Variants in ZNF85 observed in about 807,000 individuals in gnomAD.
The protein encoded by ZNF85 is zinc finger protein 85, also known as zinc finger protein 85 (HPF4, HTF1).
Under a neutral mutation model 53.9 loss-of-function variants are expected in ZNF85, and 50 were observed. The ratio of observed to expected loss-of-function variants is 0.93; its 90% CI spans 0.74 to 1.17. ZNF85 has a LOEUF of 1.17. Among genes scored for constraint, ZNF85 ranks in the 50% most tolerant of loss-of-function variants. ZNF85 has a pLI of 0.00. For synonymous variants in ZNF85, 225 were observed against 226.1 expected, an observed-to-expected ratio of 1.00 and a Z score of 0.04; for missense variants, 747 against 688.5, an observed-to-expected ratio of 1.08 and a Z score of -0.95.
At chr19:20,924,083 C>G (rs1387726566) in intron 1 of ZNF85, among the ~76,000 whole-genome samples, 1 of 127,730 alleles carries the variant, frequency 7.8e-6, no homozygotes, top group East Asian at 2.1e-4. Flanking sequence ...GAAACTCCGT[C>G]TCAAAAAAAA....
intron 3 of ZNF85, among the ~76,000 whole-genome samples, chr19:20,939,644 TAA>T (rs374847830): frequency 6.5e-4 from 99 of 152,284 alleles, no homozygotes; most frequent in African/African-American, 2.3e-3. Context: ...ATGTACACGT[TAA>T]GTCAATGTGA....
intron 1 of ZNF85, among the ~76,000 whole-genome samples, chr19:20,925,633 C>A (rs943268556): frequency 3.3e-5 from 5 of 152,016 alleles, no homozygotes; most frequent in Middle Eastern, 3.2e-3. Context: ...CAAGAACTTG[C>A]AAAGTAAAAT....
chr19:20,929,009 T>G (rs752733244), intron 1 of ZNF85, among the ~76,000 whole-genome samples: 1 of 152,160 alleles, frequency 6.6e-6, no homozygotes, highest in African/African-American at 2.4e-5. Flanking sequence ...CCAATATTTA[T>G]TCAAATTCTC....
chr19:20,934,131 C>T lies in ZNF85; in HGVS notation c.111C>T (p.Tyr37=), dbSNP rs1453415667. The T allele has an allele frequency of 6.2e-7, 1 of 1,612,272 alleles. No individual in the cohort carries two copies. The highest frequency in any genetic ancestry group is 1.1e-5 in the South Asian group (1 of 91,010). Reference sequence around the variant, plus strand: ...ATAGAAATGTGATGTTAGAGAACTACAGAAACCTGGTCTTCCTGGGTGAGG... The same window carrying T: ...ATAGAAATGTGATGTTAGAGAACTATAGAAACCTGGTCTTCCTGGGTGAGG... ...NLYRNVMLEN[Y]RNLVFLGITV... is the part of the protein sequence containing the mutation. Residue 37 remains tyrosine, a synonymous_variant, in exon 2 of 4, where the codon TAC becomes TAT. Transcript: ENST00000328178.
intron 3 of ZNF85, among the ~76,000 whole-genome samples, chr19:20,948,240 G>A (rs7257679): frequency 0.43 from 65,442 of 151,892 alleles, 14,687 homozygotes; most frequent in East Asian, 0.56. Flanking sequence ...TAATATTGCA[G>A]TCTCTTTGCT....
chr19:20,930,120 C>CAAAA (rs57832039), intron 1 of ZNF85, among the ~76,000 whole-genome samples: 5,944 of 79,026 alleles, frequency 0.075, 243 homozygotes, highest in Non-Finnish European at 0.1. Flanking sequence ...GACTCCGTCC[C>CAAAA]AAAAAAAAAA....
At position 20,949,749 on chromosome 19, in the gene ZNF85, C is replaced by T; in HGVS notation, c.1235C>T (p.Thr412Ile). The change falls in exon 4 of 4, where the codon ACC becomes ATC. Residue 412 changes from threonine (T) to isoleucine (I), a missense_variant. Coordinates refer to ENST00000328178, the MANE Select transcript of ZNF85 (RefSeq NM_003429.5). ...ECGKAFKHSS[T>I]LTKHKIIHTG... ...GGTAAAGCTTTTAAACACTCTTCAA[C>T]CCTTACTAAACATAAGATAATTCAT... The T allele has an allele frequency of 1.9e-6, 3 of 1,610,340 alleles. No individual in the cohort carries two copies. Among genetic ancestry groups the T allele is most frequent in the Non-Finnish European group, 2.5e-6 (3 of 1,178,544 alleles).
At chr19:20,946,375 A>C (rs976967560) in intron 3 of ZNF85, 13 of 414,070 alleles carry the variant, frequency 3.1e-5, no homozygotes, top group Non-Finnish European at 6.2e-5. Context: ...AGTGTTCTCT[A>C]TGCCTCTGTT....
Position 20,950,019 on chromosome 19 carries a change from T to C in ZNF85, c.1505T>C (p.Ile502Thr), listed in dbSNP as rs1295371570. The change falls in exon 4 of 4, where the codon ATA (isoleucine) becomes ACA (threonine). Residue 502 changes from isoleucine (I) to threonine (T), a missense_variant. Transcript: ENST00000328178. ...CCCTCAACCCTTACTATCCATAAGA[T>C]AATTCATACTGGAGAGAAACCATAC... ...KWPSTLTIHK[I>T]IHTGEKPYKC... The C allele has an allele frequency of 5.6e-6, 9 of 1,612,198 alleles. No homozygotes were observed. In the East Asian group the frequency reaches 2.0e-4, roughly 36 times the overall value.
intron 3 of ZNF85, chr19:20,943,546 ACC>A (rs1568553429): frequency 6.6e-6 from 1 of 150,506 alleles, no homozygotes; most frequent in Non-Finnish European, 1.5e-5. Context: ...CCAACGATGA[ACC>A]AAACAAGCCT....
At chr19:20,946,501 CTA>C (rs1388162517) in intron 3 of ZNF85, 3 of 235,382 alleles carry the variant, frequency 1.3e-5, no homozygotes, top group Admixed American at 5.8e-5. Context: ...ATATTGCACT[CTA>C]TGTGTTTCAT....
chr19:20,930,521 T>C (rs1250933461), intron 1 of ZNF85, among the ~76,000 whole-genome samples: 1 of 152,180 alleles, frequency 6.6e-6, no homozygotes, highest in Non-Finnish European at 1.5e-5. Flanking sequence ...TTTATTTAAA[T>C]CCTAAGAATT....
intron 3 of ZNF85, among the ~76,000 whole-genome samples, chr19:20,938,603 T>G (rs1973214286): frequency 1.3e-5 from 2 of 152,208 alleles, no homozygotes; most frequent in Admixed American, 1.3e-4. Flanking sequence ...TTCAAACTTT[T>G]CTGTAATTTT....
At chr19:20,935,986 CTA>C (rs754985604) in intron 3 of ZNF85, among the ~76,000 whole-genome samples, 6 of 152,016 alleles carry the variant, frequency 3.9e-5, no homozygotes, top group South Asian at 2.1e-4. Flanking sequence ...TAGTTTCTTT[CTA>C]TGATATCTTA....
intron 1 of ZNF85, among the ~76,000 whole-genome samples, chr19:20,933,466 C>T (rs774520584): frequency 1.8e-4 from 27 of 151,908 alleles, no homozygotes; most frequent in Admixed American, 1.3e-3. Flanking sequence ...GGTTCTTCCC[C>T]TTACTGGATG....
chr19:20,925,235 G>C (rs1018036621), intron 1 of ZNF85, among the ~76,000 whole-genome samples: 1 of 152,040 alleles, frequency 6.6e-6, no homozygotes, highest in African/African-American at 2.4e-5. Flanking sequence ...GAGGCGGGCG[G>C]ATCGCGAGGT....
chr19:20,925,599 A>G (rs1972862712), intron 1 of ZNF85, among the ~76,000 whole-genome samples: 1 of 152,234 alleles, frequency 6.6e-6, no homozygotes, highest in Non-Finnish European at 1.5e-5. Context: ...AAGACAAAAA[A>G]AAGGTCACCC....
In ZNF85 at chr19:20,950,251, A is replaced by G; in HGVS notation, c.1737A>G (p.Ser579=). 2 of 1,585,240 alleles carry G rather than the reference A, an allele frequency of 1.3e-6. No individual in the cohort carries two copies. Among genetic ancestry groups the G allele is most frequent in the Non-Finnish European group, 1.7e-6 (2 of 1,170,346 alleles). Residue 579 remains serine, a synonymous_variant, in exon 4 of 4, where the codon TCA becomes TCG. Transcript: ENST00000328178. ...EECDKAFKWS[S]VLTKHKIIHT... ...GTGACAAAGCTTTTAAATGGTCCTC[A>G]GTCCTTACTAAACATAAGATAATTC... is the stretch of plus-strand genomic sequence containing the variant.
intron 3 of ZNF85, among the ~76,000 whole-genome samples, chr19:20,937,960 A>G (rs1269265187): frequency 6.6e-6 from 1 of 152,200 alleles, no homozygotes; most frequent in Non-Finnish European, 1.5e-5. Flanking sequence ...GCCTTCCGAA[A>G]CGGATACTCC....
Sources: allele counts gnomAD v4.1 joint callset (sites outside exome capture counted in the v4.1 genomes callset), GRCh38; gene constraint gnomAD v4.1.1; transcripts MANE v1.5; gene names NCBI Gene and HGNC (gene_info 2026-07-23, HGNC 2026-07-21).